Variants in SEZ6L observed in about 807,000 individuals in gnomAD.
SEZ6L encodes the protein seizure 6-like protein.
In SEZ6L, 37 loss-of-function variants were observed where a neutral mutation model predicts 106.2. The observed-to-expected ratio is 0.35, with a 90% confidence interval of 0.27 to 0.46. The LOEUF (loss-of-function observed/expected upper bound fraction) is 0.46, where lower values mean the gene tolerates loss of function less well. Among genes scored for constraint, SEZ6L ranks in the 20% least tolerant of loss-of-function variants. SEZ6L has a pLI of 1.00. For synonymous variants in SEZ6L, 541 were observed against 570.4 expected (o/e 0.95, Z 0.73); for missense variants, 1,172 against 1,332.8 (o/e 0.88, Z 1.88).
intron 1 of SEZ6L, among the ~76,000 whole-genome samples, chr22:26,217,177 G>A (rs1321459259): frequency 6.6e-6 from 1 of 152,184 alleles, no homozygotes; most frequent in African/African-American, 2.4e-5. Flanking sequence ...TACAGTGCTA[G>A]TAGGTAGCAG....
At position 26,172,304 on chromosome 22, in the gene SEZ6L, A is replaced by G. The variant is rs144506587; in HGVS notation, c.94+2541A>G. Among the ~76,000 whole-genome samples the G allele has an allele frequency of 3.9e-5, 6 of 152,284 alleles. No homozygotes were observed. The East Asian group carries it at 5.8e-4, about 15-fold the overall frequency. On this transcript the variant is annotated intron_variant, in intron 1 of 16. Transcript: ENST00000248933. ...TCATTATGGATTGGCATTATTTTCC[A>G]TAGAGTTTTGCCCGTTCCTGCCAGG...
intron 1 of SEZ6L, among the ~76,000 whole-genome samples, chr22:26,217,457 C>A (rs1279645458): frequency 6.6e-6 from 1 of 152,230 alleles, no homozygotes; most frequent in Admixed American, 6.5e-5. Context: ...CTGTAAACCC[C>A]TTCCTGACTT....
chr22:26,192,603 T>C (rs184696910), intron 1 of SEZ6L, among the ~76,000 whole-genome samples: 4 of 152,240 alleles, frequency 2.6e-5, no homozygotes, highest in Non-Finnish European at 4.4e-5. Flanking sequence ...GCATTTAATT[T>C]AAGCCTTTAT....
At chr22:26,211,637 C>T (rs1168066009) in intron 1 of SEZ6L, among the ~76,000 whole-genome samples, 2 of 151,376 alleles carry the variant, frequency 1.3e-5, no homozygotes, top group Non-Finnish European at 2.9e-5. Flanking sequence ...GGCTTTAGAG[C>T]CTCCCATCCC....
At chr22:26,235,568 T>C (rs1428050408) in intron 1 of SEZ6L, among the ~76,000 whole-genome samples, 2 of 151,916 alleles carry the variant, frequency 1.3e-5, no homozygotes, top group Non-Finnish European at 2.9e-5. Context: ...ATTTGAGATA[T>C]GGACACATTC....
At chr22:26,216,490 C>T (rs562169150) in intron 1 of SEZ6L, among the ~76,000 whole-genome samples, 10 of 152,106 alleles carry the variant, frequency 6.6e-5, no homozygotes, top group African/African-American at 2.4e-4. Context: ...ACTCTGTCTC[C>T]ACTAAAAGTA....
At chr22:26,366,689 C>A (rs961431083) in intron 13 of SEZ6L, among the ~76,000 whole-genome samples, 1 of 145,198 alleles carries the variant, frequency 6.9e-6, no homozygotes, top group Non-Finnish European at 1.5e-5. Context: ...GCCTGGGTGA[C>A]AGAGTGAGAC....
chr22:26,217,192 G>C (rs62224247), intron 1 of SEZ6L, among the ~76,000 whole-genome samples: 53,938 of 152,104 alleles, frequency 0.35, 9,855 homozygotes, highest in East Asian at 0.47. Context: ...TAGCAGAGCT[G>C]GGACCCCAGA....
At chr22:26,232,829 C>G (rs934631078) in intron 1 of SEZ6L, among the ~76,000 whole-genome samples, 4 of 152,190 alleles carry the variant, frequency 2.6e-5, no homozygotes, top group Admixed American at 2.6e-4. Flanking sequence ...TATTTAACCC[C>G]TCGAGCCTCA....
At chr22:26,171,449 G>T (rs1182122695) in intron 1 of SEZ6L, among the ~76,000 whole-genome samples, 2 of 151,838 alleles carry the variant, frequency 1.3e-5, no homozygotes. Context: ...CAGCTTACTG[G>T]ATTTTCTAAA....
At chr22:26,304,617 A>G (rs2081578176) in intron 5 of SEZ6L, among the ~76,000 whole-genome samples, 1 of 152,208 alleles carries the variant, frequency 6.6e-6, no homozygotes, top group Non-Finnish European at 1.5e-5. Flanking sequence ...TTATGATAAA[A>G]GTAATAGATG....
intron 9 of SEZ6L, among the ~76,000 whole-genome samples, chr22:26,332,679 C>T (rs1394186316): frequency 6.6e-6 from 1 of 152,342 alleles, no homozygotes; most frequent in East Asian, 1.9e-4. Flanking sequence ...AACTCCTGAA[C>T]TCAAGTGATC....
At chr22:26,359,521 G>C (rs2083543673) in intron 12 of SEZ6L, among the ~76,000 whole-genome samples, 1 of 152,168 alleles carries the variant, frequency 6.6e-6, no homozygotes, top group African/African-American at 2.4e-5. Flanking sequence ...ATGATGACCA[G>C]GCATGATGGC....
intron 9 of SEZ6L, among the ~76,000 whole-genome samples, chr22:26,316,465 C>T (rs2081999553): frequency 6.6e-6 from 1 of 152,120 alleles, no homozygotes; most frequent in African/African-American, 2.4e-5. Flanking sequence ...TGAGTGAAAT[C>T]AGGAGGGCTT....
chr22:26,225,522 G>A (rs1290212843), intron 1 of SEZ6L, among the ~76,000 whole-genome samples: 2 of 152,240 alleles, frequency 1.3e-5, no homozygotes, highest in South Asian at 2.1e-4. Flanking sequence ...CAGCATCCAC[G>A]GCTGAGGAGA....
chr22:26,366,904 C>T (rs1481525308), intron 13 of SEZ6L, among the ~76,000 whole-genome samples: 2 of 152,028 alleles, frequency 1.3e-5, no homozygotes, highest in African/African-American at 4.8e-5. Context: ...CCTCCTCTGC[C>T]TCTGAGTAGC....
intron 12 of SEZ6L, among the ~76,000 whole-genome samples, chr22:26,352,618 C>T (rs1185887319): frequency 3.3e-5 from 5 of 152,122 alleles, no homozygotes; most frequent in East Asian, 1.9e-4. Context: ...AGCAACTCTA[C>T]GATTTAGACG....
At chr22:26,201,249 G>A (rs374078753) in intron 1 of SEZ6L, among the ~76,000 whole-genome samples, 19 of 152,170 alleles carry the variant, frequency 1.2e-4, no homozygotes, top group African/African-American at 3.9e-4. Context: ...GGCTGGGCAC[G>A]GTGGCTTACG....
intron 1 of SEZ6L, among the ~76,000 whole-genome samples, chr22:26,287,293 G>A (rs553134565): frequency 2.0e-5 from 3 of 152,196 alleles, no homozygotes; most frequent in African/African-American, 7.2e-5. Flanking sequence ...TTGATTATCA[G>A]TGTGTGTGTG....
Sources: gnomAD v4.1 joint callset for allele counts (sites outside exome capture counted in the v4.1 genomes callset) on GRCh38, gnomAD v4.1.1 for gene constraint, MANE v1.5 for transcripts, NCBI Gene and HGNC (gene_info 2026-07-23, HGNC 2026-07-21) for gene names.